The following IFT88 variants were observed in gnomAD, a reference collection of about 807,000 sequenced individuals.
The protein encoded by IFT88 is intraflagellar transport 88, also known as intraflagellar transport protein 88 homolog.
Under a neutral mutation model 119.5 loss-of-function variants are expected in IFT88, and 74 were observed. That is an observed-to-expected ratio of 0.62 (90% CI 0.51 to 0.75). IFT88 has a LOEUF of 0.75. IFT88 is among the 30% of genes least tolerant of loss of function. IFT88 has a pLI of 0.00. For synonymous variants in IFT88, 279 were observed against 316.7 expected (o/e 0.88, Z 1.26); for missense variants, 961 against 977.7 (o/e 0.98, Z 0.23).
chr13:20,661,235 A>G (rs902404856), intron 22 of IFT88, among the ~76,000 whole-genome samples: 2 of 152,218 alleles, frequency 1.3e-5, no homozygotes, highest in African/African-American at 2.4e-5. Flanking sequence ...TTACAGAGGA[A>G]GTAACATTTG....
intron 20 of IFT88, among the ~76,000 whole-genome samples, chr13:20,646,300 T>C (rs1253247970): frequency 1.3e-5 from 2 of 151,400 alleles, no homozygotes; most frequent in Non-Finnish European, 3.0e-5. Context: ...TAAAATCTTT[T>C]TTTTTTTTTT....
chr13:20,584,166 A>AAT, intron 3 of IFT88, among the ~76,000 whole-genome samples: 1 of 151,896 alleles, frequency 6.6e-6, no homozygotes, highest in East Asian at 1.9e-4. Context: ...TAAAAAAAAA[A>AAT]AATGTCATTT....
At chr13:20,594,698 A>G (rs1025746875) in intron 7 of IFT88, among the ~76,000 whole-genome samples, 1 of 152,238 alleles carries the variant, frequency 6.6e-6, no homozygotes, top group Non-Finnish European at 1.5e-5. Context: ...TCAGACAACT[A>G]GAAAATAGAA....
intron 3 of IFT88, among the ~76,000 whole-genome samples, chr13:20,583,446 T>C (rs191132004): frequency 6.6e-6 from 1 of 152,362 alleles, no homozygotes; most frequent in Non-Finnish European, 1.5e-5. Flanking sequence ...TTATACCACA[T>C]TTTGTTTATT....
chr13:20,644,827 C>A lies in IFT88; in HGVS notation c.1834-16C>A. On this transcript the variant is annotated splice_polypyrimidine_tract_variant and intron_variant, in intron 19 of 25. Transcript: ENST00000351808. ...CCATTGAAGTTGTATTGTTACATTC[C>A]ATATTTGTTTTACAGTCATATAGGT... 3 of 1,076,652 alleles carry A rather than the reference C, an allele frequency of 2.8e-6. No homozygotes were observed. The highest frequency in any genetic ancestry group is 2.8e-5 in the South Asian group (2 of 71,868). The allele number at this position is 1,076,652 out of a possible 1,614,324, so 66.7% of individuals were successfully genotyped here. A position where few individuals can be genotyped will look rare whatever the true frequency, so the allele number is the denominator to read the frequency against.
At chr13:20,615,671 T>G in intron 13 of IFT88, 122 bp from the exon 14 acceptor site, 16 of 497,246 alleles carry the variant, frequency 3.2e-5, no homozygotes, top group Non-Finnish European at 4.2e-5. Context: ...TACCTGTCCA[T>G]TGTTTAGTAG....
intron 7 of IFT88, among the ~76,000 whole-genome samples, 156 bp from the exon 8 acceptor site, chr13:20,595,994 G>A (rs764970647): frequency 2.0e-5 from 3 of 152,086 alleles, no homozygotes; most frequent in Admixed American, 6.6e-5. Context: ...ACTACAGGCT[G>A]CAGTGAGCTA....
intron 13 of IFT88, among the ~76,000 whole-genome samples, chr13:20,613,819 A>T (rs1040338548): frequency 8.5e-5 from 13 of 152,084 alleles, no homozygotes; most frequent in African/African-American, 3.1e-4. Flanking sequence ...CATTGAATGC[A>T]ATTGCTTTTG....
chr13:20,668,017 T>C (rs2055040410), intron 23 of IFT88, among the ~76,000 whole-genome samples: 1 of 152,174 alleles, frequency 6.6e-6, no homozygotes, highest in African/African-American at 2.4e-5. Flanking sequence ...CTCTTAACTT[T>C]CCGTCTGCCT....
chr13:20,688,687 A>G (rs144260020), intron 24 of IFT88, among the ~76,000 whole-genome samples: 1 of 152,326 alleles, frequency 6.6e-6, no homozygotes, highest in African/African-American at 2.4e-5. Context: ...CAACAACAGA[A>G]ACTATAGAGT....
chr13:20,584,874 T>G (rs1237823692), intron 3 of IFT88, among the ~76,000 whole-genome samples: 1 of 152,182 alleles, frequency 6.6e-6, no homozygotes, highest in Admixed American at 6.5e-5. Flanking sequence ...CTTGGAGAGA[T>G]ATTTTCAGTT....
At chr13:20,579,726 C>T (rs2038165376) in intron 2 of IFT88, among the ~76,000 whole-genome samples, 3 of 152,202 alleles carry the variant, frequency 2.0e-5, no homozygotes, top group African/African-American at 7.2e-5. Flanking sequence ...AGCAGTCTCT[C>T]TTTGTAGCCA....
At chr13:20,655,546 G>C (rs1023330291) in intron 21 of IFT88, among the ~76,000 whole-genome samples, 1 of 151,808 alleles carries the variant, frequency 6.6e-6, no homozygotes, top group Non-Finnish European at 1.5e-5. Context: ...AGGCTGGCCT[G>C]CAGTGGCACT....
In IFT88 at chr13:20,643,774, G is replaced by A. The variant is rs770507341; in HGVS notation, c.1833+169G>A. Among the ~76,000 whole-genome samples, 16 of 152,194 alleles carry A rather than the reference G, an allele frequency of 1.1e-4. 1 individual carries two copies. The highest frequency in any genetic ancestry group is 2.0e-4 in the Admixed American group (3 of 15,276). ...TAGTTTTTGTTTTGTTTTGTTTTGA[G>A]ATAGAGTCTTGCTCTGTCGCCCAGG... On this transcript the variant is annotated intron_variant, in intron 19 of 25. Transcript: ENST00000351808.
chr13:20,634,690 T>G (rs1270576101), intron 16 of IFT88, among the ~76,000 whole-genome samples: 1 of 150,638 alleles, frequency 6.6e-6, no homozygotes, highest in African/African-American at 2.5e-5. Flanking sequence ...ATCGTGCCAC[T>G]GCATTCCAGC....
At chr13:20,617,292 G>A (rs1197022236) in intron 14 of IFT88, among the ~76,000 whole-genome samples, 1 of 152,086 alleles carries the variant, frequency 6.6e-6, no homozygotes, top group South Asian at 2.1e-4. Flanking sequence ...GTGGGGTGGG[G>A]TGGGTAAGGG....
At chr13:20,663,453 A>G (rs2054152174) in intron 22 of IFT88, 45 bp from the exon 23 acceptor site, 4 of 1,600,400 alleles carry the variant, frequency 2.5e-6, no homozygotes, top group Admixed American at 1.7e-5. Context: ...TTTAACAAAT[A>G]TACTGTGCCT....
Position 20,638,516 on chromosome 13 carries a change from T to G in IFT88, c.1571T>G (p.Ile524Ser). The change falls in exon 17 of 26, where the codon ATT (isoleucine) becomes AGT (serine). Residue 524 changes from isoleucine (I) to serine (S), a missense_variant and splice_region_variant. Transcript: ENST00000351808. The part of the protein sequence containing the change: ...DSSCTEALYN[I>S]GLTYEKLNRL... ...TCTTGTACTGAAGCACTTTATAATA[T>G]TGGTAAGTGAAACAAGGGGAAATTG... 7.0e-7 allele frequency: 1 copy of G among 1,429,214 alleles called. No individual in the cohort carries two copies. Among genetic ancestry groups the G allele is most frequent in the Non-Finnish European group, 9.2e-7 (1 of 1,087,428 alleles). The allele number at this position is 1,429,214 out of a possible 1,614,324, so 88.5% of individuals were successfully genotyped here. A position where few individuals can be genotyped will look rare whatever the true frequency, so the allele number is the denominator to read the frequency against.
intron 15 of IFT88, among the ~76,000 whole-genome samples, chr13:20,628,403 G>A (rs183762106): frequency 5.3e-4 from 80 of 152,288 alleles, no homozygotes; most frequent in African/African-American, 1.8e-3. Flanking sequence ...AGGAGACCAG[G>A]ACAGACATAG....
Sources: allele counts gnomAD v4.1 joint callset (sites outside exome capture counted in the v4.1 genomes callset), GRCh38; gene constraint gnomAD v4.1.1; transcripts MANE v1.5; gene names NCBI Gene and HGNC (gene_info 2026-07-23, HGNC 2026-07-21).